The following DSCAM variants were observed in gnomAD, a reference collection of about 807,000 sequenced individuals.
The protein encoded by DSCAM is cell adhesion molecule DSCAM.
DSCAM carries 47 observed loss-of-function variants against 217.7 expected under a neutral mutation model. The observed-to-expected ratio is 0.22, with a 90% CI of 0.17 to 0.28. The LOEUF (loss-of-function observed/expected upper bound fraction) is 0.28, where lower values mean the gene tolerates loss of function less well. DSCAM is among the 10% of genes least tolerant of loss of function. The pLI is 1.00. For missense variants in DSCAM, 2,080 were observed against 2,618.3 expected, an observed-to-expected ratio of 0.79 and a Z score of 4.49; for synonymous variants, 1,056 against 1,015.3, an observed-to-expected ratio of 1.04 and a Z score of -0.76.
intron 8 of DSCAM, among the ~76,000 whole-genome samples, chr21:40,322,268 C>G (rs139027887): frequency 7.9e-4 from 120 of 152,252 alleles, no homozygotes; most frequent in Middle Eastern, 3.4e-3. Flanking sequence ...CAGACCCCAA[C>G]ACCTTGCTGG....
Position 40,377,114 on chromosome 21 carries a change from T to G in DSCAM, c.509-7869A>C, listed in dbSNP as rs1601598051. The stretch of plus-strand genomic sequence containing the variant: ...ATGAATCCTAATCAGAGCCAACAGG[T>G]TCTAGGTGGAGGCTACCACTGCTTT... On this transcript the variant is annotated intron_variant, in intron 3 of 32. Transcript: ENST00000400454. Among the ~76,000 whole-genome samples, 3 of 152,018 alleles carry G rather than the reference T, an allele frequency of 2.0e-5. No homozygotes were observed. In the East Asian group the frequency reaches 5.8e-4, roughly 29 times the overall value.
At chr21:40,243,588 G>A (rs1312038113) in intron 11 of DSCAM, among the ~76,000 whole-genome samples, 3 of 152,086 alleles carry the variant, frequency 2.0e-5, no homozygotes, top group Non-Finnish European at 2.9e-5. Flanking sequence ...TCTGAGTGTG[G>A]GGCCCTGTGT....
At chr21:40,541,769 T>C (rs2076544602) in intron 3 of DSCAM, among the ~76,000 whole-genome samples, 1 of 152,188 alleles carries the variant, frequency 6.6e-6, no homozygotes, top group South Asian at 2.1e-4. Context: ...GATTTTTCAG[T>C]ATATTGATGT....
At chr21:40,766,034 C>T (rs1782462900) in intron 1 of DSCAM, among the ~76,000 whole-genome samples, 1 of 152,234 alleles carries the variant, frequency 6.6e-6, no homozygotes. Context: ...CTCGTGACAG[C>T]TGGCAAGCCA....
At chr21:40,269,685 C>G (rs58179389) in intron 11 of DSCAM, among the ~76,000 whole-genome samples, 1 of 152,082 alleles carries the variant, frequency 6.6e-6, no homozygotes, top group East Asian at 1.9e-4. Flanking sequence ...CCTTGCCTTG[C>G]CCAGTGTCTC....
chr21:40,342,643 TA>T lies in DSCAM; in HGVS notation c.1211-3229del, dbSNP rs1287254395. Among the ~76,000 whole-genome samples the T allele has an allele frequency of 5.4e-3, 565 of 105,512 alleles. 14 individuals carry two copies. Among genetic ancestry groups the T allele is most frequent in the African/African-American group, 0.016 (436 of 26,448 alleles). The allele number at this position is 105,512 out of a possible 152,430, so 69.2% of individuals were successfully genotyped here. A position where few individuals can be genotyped will look rare whatever the true frequency, so the allele number is the denominator to read the frequency against. ...GTGTGTGTGTATATATATATATATA[TA>T]TATATTTTTTTTTTTTTTTTGAGAC... On this transcript the variant is annotated intron_variant, in intron 6 of 32. Transcript: ENST00000400454.
rs564849873 is a variant in DSCAM at position 40,170,157 on chromosome 21, C to T, written c.2948-2869G>A. On this transcript the variant is annotated intron_variant, in intron 15 of 32. Coordinates refer to ENST00000400454, the MANE Select transcript of DSCAM (RefSeq NM_001389.5). ...AACACACGGGACCCCTGGGTAGAGC[C>T]GAGCCTTTTCCCTGGGGCTTTCTTC... Among the ~76,000 whole-genome samples the T allele has an allele frequency of 7.2e-5, 11 of 152,310 alleles. No homozygotes were observed. The East Asian group carries it at 7.7e-4, about 11-fold the overall frequency.
chr21:40,816,028 A>G (rs1158565935), intron 1 of DSCAM, among the ~76,000 whole-genome samples: 2 of 152,250 alleles, frequency 1.3e-5, no homozygotes. Context: ...AGAGGCAACC[A>G]CAGGCAGAAT....
At chr21:40,059,653 G>C (rs1363303242) in intron 28 of DSCAM, among the ~76,000 whole-genome samples, 2 of 152,214 alleles carry the variant, frequency 1.3e-5, no homozygotes, top group East Asian at 3.8e-4. Flanking sequence ...TTAGAACACA[G>C]AATGTGGAGT....
At chr21:40,656,479 T>C (rs539365831) in intron 3 of DSCAM, among the ~76,000 whole-genome samples, 5 of 151,834 alleles carry the variant, frequency 3.3e-5, no homozygotes, top group East Asian at 1.9e-4. Context: ...CATCCTCAAG[T>C]TGACAAGAAA....
chr21:40,509,092 T>A (rs887355770), intron 3 of DSCAM, among the ~76,000 whole-genome samples: 2 of 152,120 alleles, frequency 1.3e-5, no homozygotes, highest in Non-Finnish European at 2.9e-5. Context: ...TTCCTCTTTG[T>A]ACAAAATTGC....
At chr21:40,693,546 A>T (rs1296982187) in intron 2 of DSCAM, among the ~76,000 whole-genome samples, 1 of 152,188 alleles carries the variant, frequency 6.6e-6, no homozygotes, top group African/African-American at 2.4e-5. Context: ...CAAAGTTATG[A>T]TGATGGCAAA....
At chr21:40,816,520 G>A (rs1005976990) in intron 1 of DSCAM, among the ~76,000 whole-genome samples, 13 of 152,254 alleles carry the variant, frequency 8.5e-5, no homozygotes, top group Non-Finnish European at 1.3e-4. Context: ...AGCTTCCAGC[G>A]AGCCGAGATT....
chr21:40,610,420 C>G (rs2089297268), intron 3 of DSCAM, among the ~76,000 whole-genome samples: 1 of 152,222 alleles, frequency 6.6e-6, no homozygotes, highest in African/African-American at 2.4e-5. Context: ...AAGAGCCCAG[C>G]ACGGGCTGCC....
intron 3 of DSCAM, among the ~76,000 whole-genome samples, chr21:40,411,538 C>CT (rs2075323406): frequency 2.0e-5 from 3 of 151,948 alleles, no homozygotes; most frequent in East Asian, 3.9e-4. Flanking sequence ...AAGAAACATA[C>CT]TTTAAGTTAA....
At chr21:40,708,844 C>G in intron 1 of DSCAM, 73 bp from the exon 2 acceptor site, 1 of 1,119,412 alleles carries the variant, frequency 8.9e-7, no homozygotes, top group Admixed American at 3.0e-5. Flanking sequence ...AATGTCTGGC[C>G]TCAGAAAGTT....
rs568172357 is a variant in DSCAM at position 40,747,039 on chromosome 21, C to G, written c.44-38268G>C. ...AAATGAAAATATGCACACAACATAC[C>G]AAAACCTATGGGATATAGTAAAAGC... On this transcript the variant is annotated intron_variant, in intron 1 of 32. Coordinates refer to ENST00000400454, the MANE Select transcript of DSCAM (RefSeq NM_001389.5). Among the ~76,000 whole-genome samples the G allele has an allele frequency of 2.4e-4, 36 of 151,734 alleles. No homozygotes were observed. In the South Asian group the frequency reaches 6.9e-3, roughly 29 times the overall value.
chr21:40,200,380 C>T (rs2091057831), intron 11 of DSCAM, among the ~76,000 whole-genome samples: 1 of 152,192 alleles, frequency 6.6e-6, no homozygotes, highest in Non-Finnish European at 1.5e-5. Flanking sequence ...CTGGGGACCT[C>T]CTATAAGAAG....
intron 3 of DSCAM, among the ~76,000 whole-genome samples, chr21:40,412,351 G>T (rs947246095): frequency 1.1e-4 from 16 of 152,160 alleles, no homozygotes; most frequent in Middle Eastern, 3.2e-3. Context: ...GAAGAAGACA[G>T]GAAAATATGG....
Sources: allele counts gnomAD v4.1 joint callset (sites outside exome capture counted in the v4.1 genomes callset), GRCh38; gene constraint gnomAD v4.1.1; transcripts MANE v1.5; gene names NCBI Gene and HGNC (gene_info 2026-07-23, HGNC 2026-07-21).